TICAM2: variants seen among roughly 807,000 people sequenced by gnomAD.
TICAM2 encodes the protein TIR domain-containing adapter molecule 2.
A neutral mutation model predicts 7.3 loss-of-function variants in TICAM2; 8 were observed. That is an observed-to-expected ratio of 1.10 (90% CI 0.65 to 1.99). The LOEUF is 1.99. Ranked by LOEUF, TICAM2 falls within the 30% of genes most tolerant of loss-of-function variation. The pLI is 0.00. For synonymous variants in TICAM2, 113 were observed against 99.6 expected (o/e 1.13, Z -0.80); for missense variants, 304 against 278.8 (o/e 1.09, Z -0.65).
At chr5:115,591,069 G>GAA (rs932989773) in intron 1 of TICAM2, among the ~76,000 whole-genome samples, 1 of 147,302 alleles carries the variant, frequency 6.8e-6, no homozygotes, top group African/African-American at 2.5e-5. Context: ...AGACAAAATA[G>GAA]AAAAAAAAAA....
chr5:115,595,904 C>T (rs1156460181), intron 1 of TICAM2, among the ~76,000 whole-genome samples: 3 of 152,228 alleles, frequency 2.0e-5, no homozygotes, highest in African/African-American at 7.2e-5. Context: ...ATTAAGTACT[C>T]ATCCTCTGTA....
chr5:115,592,708 T>C lies in TICAM2; in HGVS notation c.-60+9389A>G, dbSNP rs531242661. Reference sequence around the variant, plus strand: ...GCGAATATTACAAAAAGGAAAATTATAGATCAGTCTAACTCATGATTATTA... The same window carrying C: ...GCGAATATTACAAAAAGGAAAATTACAGATCAGTCTAACTCATGATTATTA... On this transcript the variant is annotated intron_variant, in intron 1 of 1. Coordinates refer to ENST00000427199, the MANE Select transcript of TICAM2 (RefSeq NM_021649.7). 1.4e-4 allele frequency among the ~76,000 whole-genome samples: 22 copies of C among 152,300 alleles called. 1 individual carries two copies. The East Asian group carries it at 3.5e-3, about 24-fold the overall frequency.
chr5:115,581,414 A>T, intron 1 of TICAM2, 99 bp from the exon 2 acceptor site: 1 of 1,318,906 alleles, frequency 7.6e-7, no homozygotes, highest in Non-Finnish European at 1.0e-6. Flanking sequence ...AGATTATAAT[A>T]GACAGATCCA....
intron 1 of TICAM2, among the ~76,000 whole-genome samples, chr5:115,591,898 T>C (rs996305330): frequency 6.6e-6 from 1 of 152,114 alleles, no homozygotes; most frequent in African/African-American, 2.4e-5. Flanking sequence ...CTTTGCAATA[T>C]TGAAGAAAAA....
In TICAM2 at chr5:115,580,720, G is replaced by C; in HGVS notation, c.537C>G (p.Pro179=). ...SVIPMRPLNN[P]LPRERTPFAL... is the part of the protein sequence containing the mutation. ...CAAAGGGAGTCCTTTCTCGGGGAAG[G>C]GGATTGTTCAGGGGCCGCATGGGTA... The change falls in exon 2 of 2, where the codon CCC becomes CCG. Residue 179 remains proline (P), a synonymous_variant. Coordinates refer to ENST00000427199, the MANE Select transcript of TICAM2 (RefSeq NM_021649.7). The C allele has an allele frequency of 6.3e-7, 1 of 1,599,806 alleles. No homozygotes were observed. Among genetic ancestry groups the C allele is most frequent in the Non-Finnish European group, 8.5e-7 (1 of 1,174,672 alleles).
At chr5:115,596,091 T>C (rs1222463047) in intron 1 of TICAM2, among the ~76,000 whole-genome samples, 1 of 152,202 alleles carries the variant, frequency 6.6e-6, no homozygotes, top group Non-Finnish European at 1.5e-5. Flanking sequence ...CCTTGATACC[T>C]TCCTCTTACT....
At chr5:115,591,191 A>C (rs562856624) in intron 1 of TICAM2, among the ~76,000 whole-genome samples, 3 of 152,348 alleles carry the variant, frequency 2.0e-5, no homozygotes, top group African/African-American at 7.2e-5. Context: ...CAATTTCAGA[A>C]GAGGAAAGCT....
At chr5:115,599,292 G>T (rs1330343936) in intron 1 of TICAM2, among the ~76,000 whole-genome samples, 3 of 151,946 alleles carry the variant, frequency 2.0e-5, no homozygotes, top group African/African-American at 4.8e-5. Context: ...GGGGGAGGGG[G>T]GCAAAGTAAC....
intron 1 of TICAM2, among the ~76,000 whole-genome samples, chr5:115,599,730 C>G (rs1755647012): frequency 6.6e-6 from 1 of 152,142 alleles, no homozygotes; most frequent in African/African-American, 2.4e-5. Context: ...AAGGCAACAG[C>G]AGCACAATCA....
intron 1 of TICAM2, among the ~76,000 whole-genome samples, chr5:115,595,453 C>T (rs1300598950): frequency 6.6e-6 from 1 of 152,176 alleles, no homozygotes; most frequent in Admixed American, 6.5e-5. Flanking sequence ...CCTGCCTATG[C>T]TTTAGTTCAA....
chr5:115,590,480 G>A (rs1003140312), intron 1 of TICAM2, among the ~76,000 whole-genome samples: 1 of 152,286 alleles, frequency 6.6e-6, no homozygotes, highest in East Asian at 1.9e-4. Context: ...TTCTGTACAA[G>A]TTGGTTGTCT....
At chr5:115,599,197 C>T (rs1755621152) in intron 1 of TICAM2, among the ~76,000 whole-genome samples, 1 of 152,042 alleles carries the variant, frequency 6.6e-6, no homozygotes, top group Non-Finnish European at 1.5e-5. Flanking sequence ...TTTCTTCTTC[C>T]CATAAACTAC....
At chr5:115,599,597 C>A (rs141487991) in intron 1 of TICAM2, among the ~76,000 whole-genome samples, 2 of 152,318 alleles carry the variant, frequency 1.3e-5, no homozygotes, top group African/African-American at 4.8e-5. Flanking sequence ...TAGCAACCTA[C>A]CGCACAGGCC....
Position 115,580,487 on chromosome 5 carries a change from C to G in TICAM2, c.*62G>C. 1.4e-6 allele frequency: 2 copies of G among 1,471,292 alleles called. No homozygotes were observed. The highest frequency in any genetic ancestry group is 2.9e-5 in the South Asian group (2 of 69,238). The allele number at this position is 1,471,292 out of a possible 1,614,324, so 91.1% of individuals were successfully genotyped here. ...AAACATTTCCTAGAAACTGCTTTCTCAAGTGAAGATTAATCATTTGGTTTA... is the reference window on the plus strand; with the variant it reads ...AAACATTTCCTAGAAACTGCTTTCTGAAGTGAAGATTAATCATTTGGTTTA... On this transcript the variant is annotated 3_prime_UTR_variant, in exon 2 of 2. Coordinates refer to ENST00000427199, the MANE Select transcript of TICAM2 (RefSeq NM_021649.7).
At chr5:115,581,373 GA>G (rs1754917463) in intron 1 of TICAM2, 58 bp from the exon 2 acceptor site, 1 of 1,500,680 alleles carries the variant, frequency 6.7e-7, no homozygotes, top group East Asian at 2.5e-5. Flanking sequence ...ATTAAAAATG[GA>G]AACTTTCATT....
chr5:115,582,785 A>G (rs1462692310), intron 1 of TICAM2, among the ~76,000 whole-genome samples: 1 of 152,258 alleles, frequency 6.6e-6, no homozygotes, highest in African/African-American at 2.4e-5. Context: ...TCATAACAAC[A>G]TAAGTAACAT....
In TICAM2 at chr5:115,581,182, T is replaced by C. The variant is rs1301843377; in HGVS notation, c.75A>G (p.Thr25=). Residue 25 remains threonine, a synonymous_variant, in exon 2 of 2, where the codon ACA becomes ACG. Coordinates refer to ENST00000427199, the MANE Select transcript of TICAM2 (RefSeq NM_021649.7). Reference sequence around the variant, plus strand: ...AATCTGACTCATGATATCCTGGACTTGTATCCACACTGTGCCTTTTACCCC... The same window carrying C: ...AATCTGACTCATGATATCCTGGACTCGTATCCACACTGTGCCTTTTACCCC... ...LSWGKRHSVD[T]SPGYHESDSK... 1.9e-6 allele frequency: 3 copies of C among 1,613,576 alleles called. No individual in the cohort carries two copies. Among genetic ancestry groups the C allele is most frequent in the Admixed American group, 3.3e-5 (2 of 59,998 alleles).
intron 1 of TICAM2, among the ~76,000 whole-genome samples, chr5:115,582,955 T>C (rs538469258): frequency 6.6e-6 from 1 of 152,328 alleles, no homozygotes; most frequent in East Asian, 1.9e-4. Flanking sequence ...AGGAAACTGC[T>C]GACCACTCCG....
At position 115,592,065 on chromosome 5, in the gene TICAM2, CA is replaced by C. The variant is rs144126667; in HGVS notation, c.-60+10031del. On this transcript the variant is annotated intron_variant, in intron 1 of 1. Coordinates refer to ENST00000427199, the MANE Select transcript of TICAM2 (RefSeq NM_021649.7). ...AGAAAATAGATTACCTTAAAAGATG[CA>C]ACAATAAGAATGTTTCTCAAGAGAA... Among the ~76,000 whole-genome samples the C allele has an allele frequency of 9.6e-3, 1,458 of 152,160 alleles. 27 individuals are homozygous for C. The highest frequency in any genetic ancestry group is 0.034 in the African/African-American group (1,396 of 41,532).
Sources: gnomAD v4.1 joint callset for allele counts (sites outside exome capture counted in the v4.1 genomes callset) on GRCh38, gnomAD v4.1.1 for gene constraint, MANE v1.5 for transcripts, NCBI Gene and HGNC (gene_info 2026-07-23, HGNC 2026-07-21) for gene names.